RAD51B: variants seen among roughly 807,000 people sequenced by gnomAD.
RAD51B encodes RAD51 paralog B.
Under a neutral mutation model 42.2 loss-of-function variants are expected in RAD51B, and 38 were observed. The ratio of observed to expected loss-of-function variants is 0.90; its 90% CI spans 0.70 to 1.18. The LOEUF is 1.18. Ranked by LOEUF, RAD51B falls within the 50% of genes most tolerant of loss-of-function variation. The pLI is 0.00. For synonymous variants in RAD51B, 154 were observed against 145.2 expected, an observed-to-expected ratio of 1.06 and a Z score of -0.43; for missense variants, 373 against 400.7, an observed-to-expected ratio of 0.93 and a Z score of 0.59.
chr14:68,292,003 G>A lies in RAD51B; in HGVS notation c.853+23G>A, dbSNP rs760535888. The A allele has an allele frequency of 2.5e-6, 4 of 1,580,664 alleles. No homozygotes were observed. The South Asian group carries it at 4.4e-5, about 17-fold the overall frequency. ...AAGGTAAGGAATCTGTCCTGGAGAG[G>A]CTGAAACTTGACACTGACATAGAGC... On this transcript the variant is annotated intron_variant, in intron 8 of 10. Transcript: ENST00000471583.
intron 7 of RAD51B, among the ~76,000 whole-genome samples, chr14:68,174,047 G>A (rs933484888): frequency 6.6e-6 from 1 of 152,190 alleles, no homozygotes; most frequent in Non-Finnish European, 1.5e-5. Flanking sequence ...TAGGTGATTA[G>A]CATTTGCCTA....
At chr14:68,374,711 A>G (rs1198603508) in intron 8 of RAD51B, among the ~76,000 whole-genome samples, 1 of 150,174 alleles carries the variant, frequency 6.7e-6, no homozygotes, top group Non-Finnish European at 1.5e-5. Context: ...CTTAGCACAG[A>G]TGGTCTCAGA....
chr14:68,489,824 A>G (rs950034244), intron 10 of RAD51B, among the ~76,000 whole-genome samples: 1 of 152,134 alleles, frequency 6.6e-6, no homozygotes, highest in African/African-American at 2.4e-5. Flanking sequence ...TCTTTTTTCA[A>G]TTATGATAAA....
chr14:68,606,948 G>A (rs1175972244), intron 10 of RAD51B, among the ~76,000 whole-genome samples: 1 of 152,214 alleles, frequency 6.6e-6, no homozygotes, highest in Non-Finnish European at 1.5e-5. Flanking sequence ...GCTCAGGTGT[G>A]TAGAGGCATG....
chr14:68,241,358 T>C (rs560522673), intron 7 of RAD51B, among the ~76,000 whole-genome samples: 21 of 152,266 alleles, frequency 1.4e-4, no homozygotes, highest in African/African-American at 4.6e-4. Context: ...CTGGCTAACA[T>C]GGTGGAACAC....
At chr14:68,581,953 A>T (rs1170695621) in intron 10 of RAD51B, among the ~76,000 whole-genome samples, 1 of 152,256 alleles carries the variant, frequency 6.6e-6, no homozygotes, top group Non-Finnish European at 1.5e-5. Context: ...CTGGCTAGCC[A>T]TATGCAGAAA....
intron 7 of RAD51B, among the ~76,000 whole-genome samples, chr14:68,283,192 T>G (rs1268004306): frequency 6.6e-6 from 1 of 152,104 alleles, no homozygotes; most frequent in South Asian, 2.1e-4. Flanking sequence ...GGAGTACACA[T>G]GAATAGAAAG....
chr14:68,399,382 G>A (rs1012528640), intron 8 of RAD51B, among the ~76,000 whole-genome samples: 5 of 149,766 alleles, frequency 3.3e-5, no homozygotes, highest in African/African-American at 7.4e-5. Context: ...TCAGCCTCCC[G>A]AGTAGCTGGG....
intron 10 of RAD51B, among the ~76,000 whole-genome samples, chr14:68,548,473 G>A (rs1888350445): frequency 6.6e-6 from 1 of 152,248 alleles, no homozygotes; most frequent in Non-Finnish European, 1.5e-5. Flanking sequence ...AGCGGGTTGT[G>A]GGGGAGGACG....
At chr14:68,328,287 ATCTTCTTAACCCTT>A (rs2082285237) in intron 8 of RAD51B, among the ~76,000 whole-genome samples, 1 of 152,190 alleles carries the variant, frequency 6.6e-6, no homozygotes, top group Non-Finnish European at 1.5e-5. Context: ...AAAGTACTGT[ATCTTCTTAACCCTT>A]TCTCCACCCC....
At chr14:68,635,229 G>T (rs1892318425) in intron 10 of RAD51B, among the ~76,000 whole-genome samples, 1 of 152,128 alleles carries the variant, frequency 6.6e-6, no homozygotes, top group Admixed American at 6.5e-5. Context: ...AATGGATGGG[G>T]CTCCTCAGCC....
At chr14:68,069,862 C>T (rs142503486) in intron 7 of RAD51B, among the ~76,000 whole-genome samples, 238 of 152,214 alleles carry the variant, frequency 1.6e-3, no homozygotes, top group African/African-American at 5.5e-3. Context: ...TGAGAAGTCT[C>T]CAAACTTTCT....
chr14:68,665,793 C>T (rs1893021123), intron 11 of RAD51B, among the ~76,000 whole-genome samples: 1 of 152,208 alleles, frequency 6.6e-6, no homozygotes, highest in Non-Finnish European at 1.5e-5. Context: ...TCTTCTGGTA[C>T]CCATGCCCCT....
intron 4 of RAD51B, among the ~76,000 whole-genome samples, chr14:67,848,143 G>A (rs1225751909): frequency 2.6e-5 from 4 of 152,034 alleles, no homozygotes; most frequent in African/African-American, 9.7e-5. Context: ...TCAGCCTCCC[G>A]AGTAGCTGGG....
chr14:68,522,132 G>C (rs1255628793), intron 10 of RAD51B, among the ~76,000 whole-genome samples: 1 of 152,178 alleles, frequency 6.6e-6, no homozygotes, highest in Non-Finnish European at 1.5e-5. Context: ...GTGAGCCTGA[G>C]TCTGCCCTCC....
chr14:68,515,643 C>T (rs917294481), intron 10 of RAD51B, among the ~76,000 whole-genome samples: 7 of 150,724 alleles, frequency 4.6e-5, no homozygotes, highest in South Asian at 2.1e-4. Flanking sequence ...GATGGGGTCT[C>T]GCTATGTTGC....
At chr14:68,527,456 C>T (rs1374802629) in intron 10 of RAD51B, among the ~76,000 whole-genome samples, 1 of 152,230 alleles carries the variant, frequency 6.6e-6, no homozygotes, top group African/African-American at 2.4e-5. Flanking sequence ...CAGACTCTGG[C>T]ACTCCCACTT....
At chr14:67,862,292 G>A (rs187681662) in intron 4 of RAD51B, among the ~76,000 whole-genome samples, 6 of 151,708 alleles carry the variant, frequency 4.0e-5, no homozygotes, top group Non-Finnish European at 8.8e-5. Flanking sequence ...ATTAAAACAA[G>A]CAAAACCCAT....
At chr14:68,570,885 ACACACACACACATG>A (rs1255869286) in intron 10 of RAD51B, among the ~76,000 whole-genome samples, 256 of 151,342 alleles carry the variant, frequency 1.7e-3, no homozygotes, top group African/African-American at 5.7e-3. Flanking sequence ...ACACACACAC[ACACACACACACATG>A]CACACACACA....
Sources: allele counts gnomAD v4.1 joint callset (sites outside exome capture counted in the v4.1 genomes callset), GRCh38; gene constraint gnomAD v4.1.1; transcripts MANE v1.5; gene names NCBI Gene and HGNC (gene_info 2026-07-23, HGNC 2026-07-21).